Variants in EYS observed in about 807,000 individuals in gnomAD.
EYS encodes EGF-like photoreceptor maintenance factor.
A neutral mutation model predicts 282.1 loss-of-function variants in EYS; 250 were observed. That is an observed-to-expected ratio of 0.89 (90% CI 0.80 to 0.98). The LOEUF (loss-of-function observed/expected upper bound fraction) is 0.98, where lower values mean the gene tolerates loss of function less well. Among genes scored for constraint, EYS ranks in the 50% least tolerant of loss-of-function variants. The pLI, the probability that EYS is intolerant of heterozygous loss-of-function variation, is 0.00. For missense variants in EYS, 4,016 were observed against 3,709.0 expected, an observed-to-expected ratio of 1.08 and a Z score of -2.15; for synonymous variants, 1,355 against 1,282.9, an observed-to-expected ratio of 1.06 and a Z score of -1.20.
At chr6:65,048,685 T>C (rs1773177845) in intron 13 of EYS, among the ~76,000 whole-genome samples, 1 of 151,888 alleles carries the variant, frequency 6.6e-6, no homozygotes, top group African/African-American at 2.4e-5. Flanking sequence ...ACAGATTCAG[T>C]ATGCTTGAAG....
intron 22 of EYS, among the ~76,000 whole-genome samples, chr6:64,774,292 G>A (rs9452830): frequency 0.28 from 42,679 of 151,546 alleles, 7,306 homozygotes; most frequent in African/African-American, 0.48. Flanking sequence ...CTTCTTTTAC[G>A]GAATAAGGAA....
chr6:64,357,833 C>G (rs993131856), intron 29 of EYS, among the ~76,000 whole-genome samples: 1 of 151,558 alleles, frequency 6.6e-6, no homozygotes, highest in African/African-American at 2.4e-5. Context: ...GGTGGCAGGT[C>G]AGATTTTGCC....
At chr6:65,135,184 T>C (rs988444139) in intron 12 of EYS, among the ~76,000 whole-genome samples, 1 of 152,078 alleles carries the variant, frequency 6.6e-6, no homozygotes, top group Non-Finnish European at 1.5e-5. Flanking sequence ...ATGGGTGAGA[T>C]GCTTTAGGTT....
At chr6:65,324,276 C>A (rs909427895) in intron 11 of EYS, among the ~76,000 whole-genome samples, 1 of 152,112 alleles carries the variant, frequency 6.6e-6, no homozygotes, top group African/African-American at 2.4e-5. Flanking sequence ...AAGAATGTTA[C>A]TGTATGAGAG....
At chr6:65,646,737 T>G (rs903472717) in intron 1 of EYS, among the ~76,000 whole-genome samples, 1 of 152,160 alleles carries the variant, frequency 6.6e-6, no homozygotes, top group African/African-American at 2.4e-5. Context: ...AAACTGTCAC[T>G]GTCTGCTGAT....
intron 2 of EYS, among the ~76,000 whole-genome samples, chr6:65,616,479 CTA>C (rs1271330529): frequency 1.8e-5 from 2 of 111,112 alleles, no homozygotes; most frequent in African/African-American, 6.2e-5. Flanking sequence ...CATTATTTTC[CTA>C]TATGTTTTAA....
At chr6:63,954,713 C>T (rs1765740612) in intron 35 of EYS, among the ~76,000 whole-genome samples, 1 of 152,268 alleles carries the variant, frequency 6.6e-6, no homozygotes, top group South Asian at 2.1e-4. Flanking sequence ...CTCCTGCCTA[C>T]TCCCCGCTGA....
chr6:64,656,429 T>C (rs1391179116), intron 22 of EYS, among the ~76,000 whole-genome samples: 1 of 152,132 alleles, frequency 6.6e-6, no homozygotes, highest in Admixed American at 6.6e-5. Flanking sequence ...CTTGAGAACT[T>C]TTCCAAGACA....
chr6:65,160,396 T>A (rs982947197), intron 12 of EYS, among the ~76,000 whole-genome samples: 3 of 150,968 alleles, frequency 2.0e-5, no homozygotes, highest in African/African-American at 7.3e-5. Flanking sequence ...ATGTAACTGC[T>A]ATATTCTATT....
At chr6:65,569,220 G>A (rs188722110) in intron 2 of EYS, among the ~76,000 whole-genome samples, 11 of 151,246 alleles carry the variant, frequency 7.3e-5, no homozygotes, top group East Asian at 1.9e-4. Context: ...TGTGACCCCC[G>A]CCCCTGCCCA....
intron 12 of EYS, among the ~76,000 whole-genome samples, chr6:65,292,357 G>T (rs895021786): frequency 1.3e-5 from 2 of 151,618 alleles, no homozygotes; most frequent in South Asian, 2.1e-4. Context: ...GATTATAAGG[G>T]CTAGGTTAAT....
intron 24 of EYS, among the ~76,000 whole-genome samples, chr6:64,610,858 T>G (rs1767092411): frequency 6.6e-6 from 1 of 152,188 alleles, no homozygotes; most frequent in Non-Finnish European, 1.5e-5. Context: ...TCATTAATAT[T>G]TATGTCTTTA....
chr6:63,806,044 C>T (rs1486318085), intron 37 of EYS, 146 bp downstream of exon 37: 1 of 654,716 alleles, frequency 1.5e-6, no homozygotes, highest in Non-Finnish European at 2.6e-6. Context: ...TGGACTACAG[C>T]GAACATGCTC....
chr6:65,546,456 TTAA>T (rs1453474806), intron 2 of EYS, among the ~76,000 whole-genome samples: 1 of 152,172 alleles, frequency 6.6e-6, no homozygotes, highest in Non-Finnish European at 1.5e-5. Flanking sequence ...AACTCACTGA[TTAA>T]TGTGAATATA....
At chr6:64,277,265 G>T (rs1654157638) in intron 30 of EYS, among the ~76,000 whole-genome samples, 1 of 152,042 alleles carries the variant, frequency 6.6e-6, no homozygotes, top group Non-Finnish European at 1.5e-5. Flanking sequence ...CAGGTGTATT[G>T]AACACATCAT....
intron 19 of EYS, among the ~76,000 whole-genome samples, chr6:64,842,911 A>G (rs1374218475): frequency 6.6e-6 from 1 of 152,122 alleles, no homozygotes; most frequent in Admixed American, 6.6e-5. Context: ...TTGAGGAGAA[A>G]TTCAAGCTGG....
intron 36 of EYS, among the ~76,000 whole-genome samples, chr6:63,817,722 C>T (rs957485900): frequency 2.6e-4 from 40 of 152,232 alleles, no homozygotes; most frequent in African/African-American, 9.6e-4. Flanking sequence ...GAACTTTCTT[C>T]TTTGGATGCT....
At chr6:65,120,828 A>G (rs929180401) in intron 12 of EYS, among the ~76,000 whole-genome samples, 1 of 152,092 alleles carries the variant, frequency 6.6e-6, no homozygotes, top group Non-Finnish European at 1.5e-5. Context: ...AAATAATCTC[A>G]ACCTGAACAT....
chr6:64,209,091 G>A (rs4605862), intron 31 of EYS, among the ~76,000 whole-genome samples: 151,470 of 152,218 alleles, frequency 1, 75,368 homozygotes, highest in East Asian at 1. Flanking sequence ...GAGCTAGTAA[G>A]CCAAGCAAAT....
Sources: gnomAD v4.1 joint callset for allele counts (sites outside exome capture counted in the v4.1 genomes callset) on GRCh38, gnomAD v4.1.1 for gene constraint, MANE v1.5 for transcripts, NCBI Gene and HGNC (gene_info 2026-07-23, HGNC 2026-07-21) for gene names.